The following SEMA5B variants were observed in gnomAD, a reference collection of about 807,000 sequenced individuals.
SEMA5B encodes the protein semaphorin 5B.
SEMA5B carries 66 observed loss-of-function variants against 135.0 expected under a neutral mutation model. That is an observed-to-expected ratio of 0.49 (90% confidence interval 0.40 to 0.60). The LOEUF (loss-of-function observed/expected upper bound fraction) is 0.60. Among genes scored for constraint, SEMA5B ranks in the 20% least tolerant of loss-of-function variants. SEMA5B has a pLI of 0.00. For synonymous variants in SEMA5B, 690 were observed against 639.5 expected (o/e 1.08, Z -1.19); for missense variants, 1,501 against 1,566.3 (o/e 0.96, Z 0.70).
At chr3:122,947,410 A>G (rs1939835695) in intron 3 of SEMA5B, among the ~76,000 whole-genome samples, 2 of 151,976 alleles carry the variant, frequency 1.3e-5, no homozygotes, top group African/African-American at 4.8e-5. Context: ...TCTCATTCAT[A>G]CTGCCTCTCC....
chr3:123,015,392 G>A (rs1036183024), intron 1 of SEMA5B, among the ~76,000 whole-genome samples: 1 of 152,214 alleles, frequency 6.6e-6, no homozygotes, highest in African/African-American at 2.4e-5. Flanking sequence ...TCAGAGTTGA[G>A]GCTATGTTAA....
Position 122,910,109 on chromosome 3 carries a change from A to G in SEMA5B, c.*34T>C. On this transcript the variant is annotated 3_prime_UTR_variant, in exon 23 of 23. Coordinates refer to ENST00000357599, the MANE Select transcript of SEMA5B (RefSeq NM_001031702.4). ...ATCTCCATCTGCTCTGTGCCTTATG[A>G]AGGCAAGAAGCCCAAGTCCCCAGGA... is the stretch of plus-strand genomic sequence containing the variant. 1 of 1,606,864 alleles carries G rather than the reference A, an allele frequency of 6.2e-7. No homozygotes were observed. Among genetic ancestry groups the G allele is most frequent in the Non-Finnish European group, 8.5e-7 (1 of 1,176,674 alleles).
chr3:122,947,808 C>G (rs1393415231), intron 3 of SEMA5B, among the ~76,000 whole-genome samples: 1 of 152,118 alleles, frequency 6.6e-6, no homozygotes, highest in Non-Finnish European at 1.5e-5. Context: ...GGTGGTGGTT[C>G]AAGAAGTACT....
intron 1 of SEMA5B, among the ~76,000 whole-genome samples, chr3:123,016,205 A>C (rs1432304282): frequency 6.6e-6 from 1 of 152,180 alleles, no homozygotes; most frequent in East Asian, 1.9e-4. Flanking sequence ...ACACAGAGGA[A>C]CCTACACCCA....
intron 17 of SEMA5B, 44 bp from the exon 18 acceptor site, chr3:122,913,105 C>T (rs1028017598): frequency 3.5e-6 from 5 of 1,419,020 alleles, no homozygotes; most frequent in African/African-American, 1.5e-5. Flanking sequence ...CCGGCCACCC[C>T]GACCCCGGCC....
At chr3:123,008,420 A>G (rs1942359705) in intron 1 of SEMA5B, among the ~76,000 whole-genome samples, 1 of 152,186 alleles carries the variant, frequency 6.6e-6, no homozygotes, top group South Asian at 2.1e-4. Flanking sequence ...GGTATTTGTT[A>G]AAGGATTATT....
intron 5 of SEMA5B, among the ~76,000 whole-genome samples, chr3:122,932,818 A>C (rs987621657): frequency 1.3e-5 from 2 of 152,176 alleles, no homozygotes; most frequent in East Asian, 3.8e-4. Flanking sequence ...CACTGAGCTC[A>C]GGTGATCCTC....
At chr3:122,974,715 T>C (rs1349579176) in intron 1 of SEMA5B, among the ~76,000 whole-genome samples, 1 of 152,110 alleles carries the variant, frequency 6.6e-6, no homozygotes, top group Non-Finnish European at 1.5e-5. Flanking sequence ...TCTGATCTGG[T>C]ATAAACGAAG....
At chr3:123,003,642 G>A (rs996729664) in intron 1 of SEMA5B, among the ~76,000 whole-genome samples, 1 of 152,088 alleles carries the variant, frequency 6.6e-6, no homozygotes, top group African/African-American at 2.4e-5. Flanking sequence ...AAACAAGCCT[G>A]GCTAACATGG....
Position 122,910,030 on chromosome 3 carries a change from AG to A in SEMA5B, c.*112del. On this transcript the variant is annotated 3_prime_UTR_variant, in exon 23 of 23. Transcript: ENST00000357599. Reference sequence around the variant, plus strand: ...GGATGGGACCCCCCACAGGCAAGGCAGCAAGTTCTTGGCCTAGTGCAGAGGG... The same window carrying A: ...GGATGGGACCCCCCACAGGCAAGGCACAAGTTCTTGGCCTAGTGCAGAGGG... The A allele has an allele frequency of 8.8e-7, 1 of 1,140,334 alleles. No individual in the cohort carries two copies. Among genetic ancestry groups the A allele is most frequent in the Non-Finnish European group, 1.2e-6 (1 of 809,366 alleles). The allele number at this position is 1,140,334 out of a possible 1,614,324, so 70.6% of individuals were successfully genotyped here. A position where few individuals can be genotyped will look rare whatever the true frequency, so the allele number is the denominator to read the frequency against.
At chr3:122,917,190 C>G (rs996583207) in intron 12 of SEMA5B, among the ~76,000 whole-genome samples, 1 of 152,326 alleles carries the variant, frequency 6.6e-6, no homozygotes, top group South Asian at 2.1e-4. Flanking sequence ...TGGTTCCTGT[C>G]CCCAGCTTCC....
intron 5 of SEMA5B, among the ~76,000 whole-genome samples, chr3:122,936,002 T>G (rs1256115477): frequency 6.6e-6 from 1 of 152,196 alleles, no homozygotes; most frequent in African/African-American, 2.4e-5. Flanking sequence ...CTCTATCCGC[T>G]TTCCATTGCC....
At chr3:123,001,165 G>A (rs942738653) in intron 1 of SEMA5B, among the ~76,000 whole-genome samples, 2 of 152,182 alleles carry the variant, frequency 1.3e-5, no homozygotes, top group Non-Finnish European at 2.9e-5. Flanking sequence ...CATAAACTCA[G>A]ACAGCCAATG....
chr3:123,000,718 G>A (rs1332575114), intron 1 of SEMA5B, among the ~76,000 whole-genome samples: 1 of 152,152 alleles, frequency 6.6e-6, no homozygotes, highest in Non-Finnish European at 1.5e-5. Context: ...ACTCCAGCCT[G>A]GGGTGCACAG....
chr3:122,966,560 A>ATTTTTT (rs1307061116), intron 1 of SEMA5B, among the ~76,000 whole-genome samples: 1 of 137,640 alleles, frequency 7.3e-6, no homozygotes, highest in African/African-American at 3.3e-5. Flanking sequence ...TATTATTATT[A>ATTTTTT]TTATTATTTT....
chr3:122,966,344 C>T (rs2107624517), intron 1 of SEMA5B, among the ~76,000 whole-genome samples: 1 of 152,216 alleles, frequency 6.6e-6, no homozygotes, highest in Admixed American at 6.5e-5. Context: ...AGGTTTGTGA[C>T]TTAAAGAGTT....
intron 2 of SEMA5B, among the ~76,000 whole-genome samples, chr3:122,952,018 C>T (rs1940070526): frequency 1.3e-5 from 2 of 152,208 alleles, no homozygotes; most frequent in African/African-American, 2.4e-5. Flanking sequence ...CAACTGACCC[C>T]TTCTCCCCCC....
intron 3 of SEMA5B, among the ~76,000 whole-genome samples, chr3:122,945,073 C>T (rs1939725247): frequency 6.6e-6 from 1 of 152,212 alleles, no homozygotes; most frequent in Non-Finnish European, 1.5e-5. Flanking sequence ...TATCCCTCCA[C>T]TACAGAGTAA....
chr3:122,928,684 A>G, intron 6 of SEMA5B, 69 bp from the exon 7 acceptor site: 1 of 1,144,456 alleles, frequency 8.7e-7, no homozygotes, highest in Non-Finnish European at 1.3e-6. Flanking sequence ...TCACGCTCAC[A>G]CCACTGCGTC....
Sources: allele counts gnomAD v4.1 joint callset (sites outside exome capture counted in the v4.1 genomes callset), GRCh38; gene constraint gnomAD v4.1.1; transcripts MANE v1.5; gene names NCBI Gene and HGNC (gene_info 2026-07-23, HGNC 2026-07-21).